Variants in RTKN2 observed in about 807,000 individuals in gnomAD.
RTKN2 encodes rhotekin 2.
In RTKN2, 69 loss-of-function variants were observed where a neutral mutation model predicts 71.5. The ratio of observed to expected loss-of-function variants is 0.96; its 90% CI spans 0.79 to 1.18. The LOEUF (loss-of-function observed/expected upper bound fraction) is 1.18. RTKN2 is among the 50% of genes most tolerant of loss of function. RTKN2 has a pLI of 0.00. For synonymous variants in RTKN2, 236 were observed against 236.5 expected (o/e 1.00, Z 0.02); for missense variants, 724 against 719.7 (o/e 1.01, Z -0.07).
chr10:62,251,072 T>C (rs907608904), intron 2 of RTKN2, among the ~76,000 whole-genome samples: 4 of 152,154 alleles, frequency 2.6e-5, no homozygotes. Flanking sequence ...TTAGCTGCCA[T>C]CTAGATTATC....
chr10:62,205,185 C>A (rs2132829557), intron 9 of RTKN2, among the ~76,000 whole-genome samples, 163 bp from the exon 10 acceptor site: 1 of 152,150 alleles, frequency 6.6e-6, no homozygotes, highest in South Asian at 2.1e-4. Context: ...TTTTTATATT[C>A]AAACTCCAAT....
At chr10:62,239,607 TTTAAA>T (rs1388507405) in intron 5 of RTKN2, 36 bp downstream of exon 5, 5 of 924,100 alleles carry the variant, frequency 5.4e-6, no homozygotes, top group Admixed American at 3.0e-5. Flanking sequence ...AAAGAAGAAT[TTTAAA>T]TTATTTTTAT....
At position 62,223,301 on chromosome 10, in the gene RTKN2, T is replaced by G. The variant is rs1341830066; in HGVS notation, c.718A>C (p.Thr240Pro). Residue 240 changes from threonine (T) to proline (P), a missense_variant, in exon 7 of 12, where the codon ACC (threonine) becomes CCC (proline). By Grantham distance (38) the Thr-to-Pro change is conservative. Coordinates refer to ENST00000373789, the MANE Select transcript of RTKN2 (RefSeq NM_145307.4). ...TCCTCAGCACTTTCCAAGGTTAGGG[T>G]AGTGTGAGCTAGCAAATTATACTTT... ...GVKYNLLAHT[T>P]LTLESAEDSF... 1 of 1,609,518 alleles carries G rather than the reference T, an allele frequency of 6.2e-7. No homozygotes were observed. The highest frequency in any genetic ancestry group is 8.5e-7 in the Non-Finnish European group (1 of 1,176,020).
chr10:62,240,557 A>G (rs1448441829), intron 4 of RTKN2, among the ~76,000 whole-genome samples: 1 of 152,206 alleles, frequency 6.6e-6, no homozygotes, highest in East Asian at 1.9e-4. Flanking sequence ...TTTAAAGTAC[A>G]AGGAACAAAG....
intron 7 of RTKN2, among the ~76,000 whole-genome samples, chr10:62,222,914 G>C (rs552317793): frequency 6.6e-6 from 1 of 152,238 alleles, no homozygotes; most frequent in South Asian, 2.1e-4. Flanking sequence ...AGAAAAGCTG[G>C]CTTCCTTGAT....
chr10:62,257,761 G>A (rs1842701184), intron 2 of RTKN2, among the ~76,000 whole-genome samples: 1 of 152,082 alleles, frequency 6.6e-6, no homozygotes, highest in Admixed American at 6.5e-5. Context: ...GCCACAGCAT[G>A]CAGAAAAAAA....
At chr10:62,235,972 C>G in intron 6 of RTKN2, 94 bp downstream of exon 6, 1 of 918,466 alleles carries the variant, frequency 1.1e-6, no homozygotes, top group Admixed American at 2.8e-5. Flanking sequence ...TGATGTTTTT[C>G]CATTTATAAA....
At chr10:62,225,401 C>T (rs573925312) in intron 6 of RTKN2, among the ~76,000 whole-genome samples, 5 of 152,320 alleles carry the variant, frequency 3.3e-5, no homozygotes, top group African/African-American at 9.6e-5. Context: ...AGTTTCCTCA[C>T]TTTCCTTTAA....
At chr10:62,243,590 T>G (rs979589470) in intron 3 of RTKN2, among the ~76,000 whole-genome samples, 3 of 152,162 alleles carry the variant, frequency 2.0e-5, no homozygotes, top group African/African-American at 7.2e-5. Context: ...AGGGTAGATA[T>G]CAGCTCCACA....
chr10:62,251,901 CAA>C (rs984855900), intron 2 of RTKN2, among the ~76,000 whole-genome samples: 9 of 151,266 alleles, frequency 5.9e-5, no homozygotes, highest in African/African-American at 2.2e-4. Context: ...CAAAAGTACA[CAA>C]AGAGACATAG....
intron 2 of RTKN2, among the ~76,000 whole-genome samples, chr10:62,257,842 C>T (rs1377223483): frequency 2.6e-5 from 4 of 152,176 alleles, no homozygotes; most frequent in Non-Finnish European, 4.4e-5. Context: ...CACGATACCT[C>T]TAAATTGAGG....
chr10:62,250,061 T>A (rs1447763286), intron 2 of RTKN2, among the ~76,000 whole-genome samples: 1 of 152,224 alleles, frequency 6.6e-6, no homozygotes, highest in African/African-American at 2.4e-5. Flanking sequence ...CTACAAATTT[T>A]AATTTACCGT....
intron 10 of RTKN2, 43 bp from the exon 11 acceptor site, chr10:62,199,904 T>C (rs1214916172): frequency 8.2e-7 from 1 of 1,224,426 alleles, no homozygotes; most frequent in Non-Finnish European, 1.2e-6. Context: ...AAAACATAAA[T>C]GTGAAGATAT....
rs1453994714 is a variant in RTKN2, at chr10:62,196,315, A to C, written c.*1593T>G. 2.0e-6 allele frequency: 2 copies of C among 983,792 alleles called. No homozygotes were observed. Among genetic ancestry groups the C allele is most frequent in the Non-Finnish European group, 2.4e-6 (2 of 828,574 alleles). The allele number at this position is 983,792 out of a possible 1,614,324, so 60.9% of individuals were successfully genotyped here. On this transcript the variant is annotated 3_prime_UTR_variant, in exon 12 of 12. Transcript: ENST00000373789. ...GGTTTCCATACATGTGATGATCTCT[A>C]CATGCTATCAAGCAGGCATATAGTA...
intron 6 of RTKN2, among the ~76,000 whole-genome samples, chr10:62,232,584 G>A (rs1219019439): frequency 2.0e-5 from 3 of 152,000 alleles, no homozygotes; most frequent in East Asian, 1.9e-4. Flanking sequence ...TTACAGGTAT[G>A]AGCCACTGCC....
intron 9 of RTKN2, among the ~76,000 whole-genome samples, chr10:62,209,950 G>T (rs2132849701): frequency 6.6e-6 from 1 of 152,256 alleles, no homozygotes; most frequent in South Asian, 2.1e-4. Flanking sequence ...CTTTATAATA[G>T]AATGATTTAT....
intron 9 of RTKN2, among the ~76,000 whole-genome samples, 182 bp downstream of exon 9, chr10:62,216,936 C>T (rs1187223536): frequency 1.3e-5 from 2 of 152,016 alleles, no homozygotes; most frequent in African/African-American, 4.8e-5. Context: ...AGGAAATATA[C>T]ATTTTCTTAT....
intron 2 of RTKN2, among the ~76,000 whole-genome samples, chr10:62,254,241 G>A (rs1021224014): frequency 1.3e-5 from 2 of 152,076 alleles, no homozygotes; most frequent in Non-Finnish European, 1.5e-5. Flanking sequence ...TCATGGGGGC[G>A]GATTTCCCCC....
In RTKN2 at chr10:62,198,152, T is replaced by C; in HGVS notation, c.1586A>G (p.Asn529Ser). ...CTGAGATACACTTGTTTTTCCCCAG[T>C]TGTCCTTAACCAATTGATCTGTGTT... ...QSNTDQLVKD[N>S]WGKTSVSQTS... Residue 529 changes from asparagine (N) to serine (S), a missense_variant, in exon 12 of 12, where the codon AAC (asparagine) becomes AGC (serine). Asn to Ser is a conservative substitution (Grantham distance 46). Transcript: ENST00000373789. 6.2e-7 allele frequency: 1 copy of C among 1,614,184 alleles called. No homozygotes were observed. The highest frequency in any genetic ancestry group is 8.5e-7 in the Non-Finnish European group (1 of 1,180,012).
Sources: allele counts gnomAD v4.1 joint callset (sites outside exome capture counted in the v4.1 genomes callset), GRCh38; gene constraint gnomAD v4.1.1; transcripts MANE v1.5; gene names NCBI Gene and HGNC (gene_info 2026-07-23, HGNC 2026-07-21).